The following LAMA3 variants were observed in gnomAD, a reference collection of about 807,000 sequenced individuals.
LAMA3 encodes the protein laminin subunit alpha 3.
Under a neutral mutation model 402.0 loss-of-function variants are expected in LAMA3, and 281 were observed. The observed-to-expected ratio is 0.70, with a 90% CI of 0.63 to 0.77. The LOEUF (loss-of-function observed/expected upper bound fraction) is 0.77, where lower values mean the gene tolerates loss of function less well. Among genes scored for constraint, LAMA3 ranks in the 30% least tolerant of loss-of-function variants. LAMA3 has a pLI of 0.00. For missense variants in LAMA3, 3,840 were observed against 4,215.5 expected, an observed-to-expected ratio of 0.91 and a Z score of 2.47; for synonymous variants, 1,431 against 1,558.4, an observed-to-expected ratio of 0.92 and a Z score of 1.93.
chr18:23,795,667 A>G (rs1434216722), intron 12 of LAMA3, among the ~76,000 whole-genome samples: 2 of 152,198 alleles, frequency 1.3e-5, no homozygotes, highest in Admixed American at 1.3e-4. Context: ...GCAGTAATAG[A>G]AAAGTCCGGG....
chr18:23,824,443 A>G lies in LAMA3; in HGVS notation c.2449A>G (p.Ile817Val), dbSNP rs762733926. ...PSWGAAQSKE[I>V]IFLPSKEPAF... Reference sequence around the variant, plus strand: ...GATAGGTGCTGCTCAAAGCAAAGAGATCATCTTCCTGCCGAGTAAGGAGCC... The same window carrying G: ...GATAGGTGCTGCTCAAAGCAAAGAGGTCATCTTCCTGCCGAGTAAGGAGCC... Residue 817 changes from isoleucine (I) to valine (V), a missense_variant, in exon 21 of 75, where the codon ATC (isoleucine) becomes GTC (valine). Coordinates refer to ENST00000313654, the MANE Select transcript of LAMA3 (RefSeq NM_198129.4). The G allele has an allele frequency of 6.2e-7, 1 of 1,614,146 alleles. No homozygotes were observed. Among genetic ancestry groups the G allele is most frequent in the Non-Finnish European group, 8.5e-7 (1 of 1,179,982 alleles).
chr18:23,701,388 G>C (rs1346569487), intron 1 of LAMA3, among the ~76,000 whole-genome samples: 1 of 152,172 alleles, frequency 6.6e-6, no homozygotes, highest in Non-Finnish European at 1.5e-5. Flanking sequence ...CCTGCTCATG[G>C]AACACATGGA....
chr18:23,689,784 C>A lies in LAMA3; in HGVS notation c.101C>A (p.Ala34Glu). Reference protein sequence around the residue: ...LVLRVLPACGATARDPGAAAG... With the variant: ...LVLRVLPACGETARDPGAAAG... ...CTGCGGGTGCTGCCAGCCTGCGGGG[C>A]GACCGCTCGGGATCCCGGGGCCGCG... The change falls in exon 1 of 75, where the codon GCG (alanine) becomes GAG (glutamate). Residue 34 changes from alanine to glutamate, a missense_variant. Ala to Glu is a moderately radical substitution (Grantham distance 107, BLOSUM62 -1). Coordinates refer to ENST00000313654, the MANE Select transcript of LAMA3 (RefSeq NM_198129.4). 6.5e-7 allele frequency: 1 copy of A among 1,531,894 alleles called. No homozygotes were observed. The highest frequency in any genetic ancestry group is 8.8e-7 in the Non-Finnish European group (1 of 1,140,590). The allele number at this position is 1,531,894 out of a possible 1,614,324, so 94.9% of individuals were successfully genotyped here. A position where few individuals can be genotyped will look rare whatever the true frequency, so the allele number is the denominator to read the frequency against.
intron 2 of LAMA3, among the ~76,000 whole-genome samples, chr18:23,725,742 G>A (rs2061289810): frequency 6.6e-6 from 1 of 152,210 alleles, no homozygotes. Context: ...AGCTTCTGCT[G>A]CTCTTCCTCA....
At chr18:23,719,332 TA>T (rs2061168358) in intron 2 of LAMA3, among the ~76,000 whole-genome samples, 1 of 151,976 alleles carries the variant, frequency 6.6e-6, no homozygotes, top group Non-Finnish European at 1.5e-5. Context: ...CATCTCTAAA[TA>T]AATAAATAAA....
intron 7 of LAMA3, among the ~76,000 whole-genome samples, chr18:23,763,201 A>C (rs2062007925): frequency 6.6e-6 from 1 of 152,148 alleles, no homozygotes; most frequent in Non-Finnish European, 1.5e-5. Context: ...CGCTCATGGA[A>C]TATCAAATGA....
chr18:23,932,405 G>A lies in LAMA3; in HGVS notation c.8708+114G>A, dbSNP rs1353936345. The A allele has an allele frequency of 2.7e-5, 30 of 1,105,688 alleles. 1 individual carries two copies. The highest frequency in any genetic ancestry group is 2.5e-4 in the Middle Eastern group (1 of 4,080). The allele number at this position is 1,105,688 out of a possible 1,614,324, so 68.5% of individuals were successfully genotyped here. A position where few individuals can be genotyped will look rare whatever the true frequency, so the allele number is the denominator to read the frequency against. On this transcript the variant is annotated intron_variant, in intron 66 of 74. Transcript: ENST00000313654. The stretch of plus-strand genomic sequence containing the variant: ...TGTCAACATGTGCTGCACGAGACCC[G>A]CATACCACAGTCTTTCAAAATGCCA...
chr18:23,920,993 A>T lies in LAMA3; in HGVS notation c.7982A>T (p.Asn2661Ile). 1 of 1,614,104 alleles carries T rather than the reference A, an allele frequency of 6.2e-7. No homozygotes were observed. The highest frequency in any genetic ancestry group is 8.5e-7 in the Non-Finnish European group (1 of 1,179,980). ...DGKLMVRYKLNSELPKERGVG... is the reference protein window; with the variant it reads ...DGKLMVRYKLISELPKERGVG... ...AAGCTCATGGTGAGATACAAACTGA[A>T]TTCAGAGCTACCAAAAGAGAGAGGA... is the stretch of plus-strand genomic sequence containing the variant. Residue 2661 changes from asparagine to isoleucine, a missense_variant, in exon 61 of 75, where the codon AAT (asparagine) becomes ATT (isoleucine). By Grantham distance (149) the Asn-to-Ile change is moderately radical. Around this residue, in one of 3 missense-constraint regions of LAMA3, gnomAD observed 840 missense variants for 981.9 expected, o/e 0.86. Transcript: ENST00000313654.
At chr18:23,854,752 A>G (rs1286276642) in intron 32 of LAMA3, among the ~76,000 whole-genome samples, 7 of 151,836 alleles carry the variant, frequency 4.6e-5, no homozygotes, top group Admixed American at 3.3e-4. Context: ...TGGGAGGCCA[A>G]GGAGGCGGAT....
chr18:23,909,127 A>G (rs967762275), intron 54 of LAMA3, 26 bp from the exon 55 acceptor site: 2 of 1,609,202 alleles, frequency 1.2e-6, no homozygotes, highest in African/African-American at 1.3e-5. Context: ...ACAATCTTAC[A>G]TTTCTATTTT....
chr18:23,871,437 T>C lies in LAMA3; in HGVS notation c.4774T>C (p.Phe1592Leu), dbSNP rs1228394984. Reference protein sequence around the residue: ...HGRVHVVEGNFRHASSRAPVS... With the variant: ...HGRVHVVEGNLRHASSRAPVS... The stretch of plus-strand genomic sequence containing the variant: ...TTTCTGTTTCCATGTGTAGGGAAAC[T>C]TCAGACATGCCAGCAGCCGTGCCCC... Residue 1592 changes from phenylalanine (F) to leucine (L), a missense_variant, in exon 38 of 75, where the codon TTC becomes CTC. Phe to Leu is a conservative substitution (Grantham distance 22). Transcript: ENST00000313654. 1.1e-5 allele frequency: 18 copies of C among 1,613,840 alleles called. No individual in the cohort carries two copies. In the African/African-American group the frequency reaches 2.4e-4, roughly 22 times the overall value.
At chr18:23,873,475 A>G (rs1214244151) in intron 38 of LAMA3, among the ~76,000 whole-genome samples, 1 of 152,206 alleles carries the variant, frequency 6.6e-6, no homozygotes. Flanking sequence ...GGATGTTAAT[A>G]TACGATGAAA....
At chr18:23,888,780 A>G (rs1165448534) in intron 41 of LAMA3, among the ~76,000 whole-genome samples, 7 of 152,182 alleles carry the variant, frequency 4.6e-5, no homozygotes, top group African/African-American at 1.7e-4. Flanking sequence ...GGTAAATACC[A>G]TATTCCCTTG....
chr18:23,813,877 G>A (rs1298705565), intron 14 of LAMA3, among the ~76,000 whole-genome samples: 14 of 152,170 alleles, frequency 9.2e-5, no homozygotes. Context: ...TTTAGAAATT[G>A]TCTGTCTTCT....
chr18:23,744,763 C>T (rs920297746), intron 2 of LAMA3, among the ~76,000 whole-genome samples: 1 of 134,632 alleles, frequency 7.4e-6, no homozygotes, highest in Admixed American at 8.5e-5. Flanking sequence ...ACCTGGGAGG[C>T]GGAGCTTGCA....
At chr18:23,941,144 G>C (rs2082494658) in intron 68 of LAMA3, among the ~76,000 whole-genome samples, 1 of 151,850 alleles carries the variant, frequency 6.6e-6, no homozygotes. Context: ...CACTATGTTG[G>C]TCAGGCTGGT....
intron 68 of LAMA3, among the ~76,000 whole-genome samples, chr18:23,941,102 A>AT (rs905538123): frequency 1.3e-5 from 2 of 151,008 alleles, no homozygotes; most frequent in Non-Finnish European, 3.0e-5. Flanking sequence ...CGCCCGGCTA[A>AT]TTTTTTTGTA....
rs112534534 is a variant in LAMA3 at position 23,847,642 on chromosome 18, G to A, written c.4110G>A (p.Glu1370=). 4.4e-3 allele frequency: 7,115 copies of A among 1,613,944 alleles called. 34 individuals are homozygous for A. The highest frequency in any genetic ancestry group is 0.028 in the Middle Eastern group (168 of 6,054). The part of the protein sequence containing the change: ...RRGTIEAAMP[E]CDRDSGQCRC... ...GCACCATCGAGGCTGCCATGCCGGA[G>A]TGTGACCGGGACAGCGGGCAGTGCA... Residue 1370 remains glutamate, a synonymous_variant, in exon 32 of 75, where the codon GAG becomes GAA. Coordinates refer to ENST00000313654, the MANE Select transcript of LAMA3 (RefSeq NM_198129.4).
intron 12 of LAMA3, among the ~76,000 whole-genome samples, chr18:23,803,858 A>G (rs1014878956): frequency 2.6e-5 from 4 of 152,238 alleles, no homozygotes; most frequent in Non-Finnish European, 4.4e-5. Context: ...TTAACTGATC[A>G]CAAGGAACTC....
Sources: allele counts gnomAD v4.1 joint callset (sites outside exome capture counted in the v4.1 genomes callset), GRCh38; gene constraint gnomAD v4.1.1; regional missense constraint gnomAD v4.1.1; transcripts MANE v1.5; gene names NCBI Gene and HGNC (gene_info 2026-07-23, HGNC 2026-07-21).